The following DKK4 variants were observed in gnomAD, a reference collection of about 807,000 sequenced individuals.
DKK4 encodes the protein dickkopf Wnt signaling pathway inhibitor 4.
A neutral mutation model predicts 14.5 loss-of-function variants in DKK4; 15 were observed. That is an observed-to-expected ratio of 1.03 (90% CI 0.69 to 1.59). The LOEUF is 1.59. Among genes scored for constraint, DKK4 ranks in the 40% most tolerant of loss-of-function variants. The pLI, the probability that DKK4 is intolerant of heterozygous loss-of-function variation, is 0.00. For synonymous variants in DKK4, 89 were observed against 105.2 expected (o/e 0.85, Z 0.94); for missense variants, 272 against 280.3 (o/e 0.97, Z 0.21).
upstream of DKK4, among the ~76,000 whole-genome samples, chr8:42,380,482 GGA>G (rs370629692): frequency 3.1e-4 from 41 of 134,250 alleles, no homozygotes; most frequent in African/African-American, 7.4e-4. Flanking sequence ...GGAGGGAGGG[GGA>G]GAGAGAGAGA....
rs1210582406 is a variant in DKK4, at chr8:42,377,039, C to T, written c.7G>A (p.Ala3Thr). 6.2e-7 allele frequency: 1 copy of T among 1,612,498 alleles called. No individual in the cohort carries two copies. The highest frequency in any genetic ancestry group is 1.3e-5 in the African/African-American group (1 of 74,892). Residue 3 changes from alanine (A) to threonine (T), a missense_variant, in exon 1 of 4, where the codon GCG (alanine) becomes ACG (threonine). Ala to Thr is a moderately conservative substitution (Grantham distance 58). Transcript: ENST00000220812. ...CAGCTCAGCCCCAGCAGGACGGCCG[C>T]CACCATCCTTCAATCCCGGGGCTCC... is the stretch of plus-strand genomic sequence containing the variant. The part of the protein sequence containing the change: MV[A>T]AVLLGLSWLC...
the DKK4 span, among the ~76,000 whole-genome samples, chr8:42,388,594 C>T: frequency 4.0e-5 from 6 of 151,146 alleles, no homozygotes; most frequent in Admixed American, 1.3e-4. Flanking sequence ...ATTTTTGAGA[C>T]GGAGTCTCAC....
At chr8:42,375,001 G>T in intron 2 of DKK4, 88 bp from the exon 3 acceptor site, 1 of 1,374,902 alleles carries the variant, frequency 7.3e-7, no homozygotes, top group Non-Finnish European at 1.0e-6. Flanking sequence ...GCATAGTTTG[G>T]CAGCACCTCT....
upstream of DKK4, among the ~76,000 whole-genome samples, chr8:42,381,722 G>T (rs185482380): frequency 1.3e-5 from 2 of 152,332 alleles, no homozygotes; most frequent in East Asian, 3.9e-4. Context: ...CTCGAGCCAG[G>T]CGCGGTGGCT....
At chr8:42,389,077 G>A in the DKK4 span, among the ~76,000 whole-genome samples, 3 of 152,164 alleles carry the variant, frequency 2.0e-5, no homozygotes, top group Admixed American at 2.0e-4. Flanking sequence ...TCAAGTAGCT[G>A]GGACTACAGG....
upstream of DKK4, among the ~76,000 whole-genome samples, chr8:42,380,751 AG>A (rs1563416231): frequency 4.2e-5 from 6 of 144,318 alleles, no homozygotes; most frequent in Admixed American, 2.0e-4. Context: ...GTGGAAAGAG[AG>A]AGAGAGAGAG....
At chr8:42,383,486 C>G in the DKK4 span, among the ~76,000 whole-genome samples, 1 of 152,250 alleles carries the variant, frequency 6.6e-6, no homozygotes, top group Non-Finnish European at 1.5e-5. Context: ...GTGGCCCACG[C>G]CTTTGGAGCT....
chr8:42,376,926 C>T lies in DKK4; in HGVS notation c.111+9G>A, dbSNP rs1252076456. 1.9e-6 allele frequency: 3 copies of T among 1,612,244 alleles called. No homozygotes were observed. In the South Asian group the frequency reaches 3.3e-5, roughly 18 times the overall value. On this transcript the variant is annotated intron_variant, in intron 1 of 3. Transcript: ENST00000220812. The stretch of plus-strand genomic sequence containing the variant: ...TCCCGTACCTCGCCCCCCTCCCTAG[C>T]AGCCTTACCTTCCGGGCCCCATGCA...
chr8:42,374,856 T>TG lies in DKK4; in HGVS notation c.319dup (p.Gln107ProfsTer26). On this transcript the variant is annotated frameshift_variant, in exon 3 of 4. Coordinates refer to ENST00000220812, the MANE Select transcript of DKK4 (RefSeq NM_014420.3). LOFTEE classifies it high-confidence loss of function. ...TGTTCCTTCTGCATGTGTGCCATCT[T>TG]GCTCATCAAGCTGCCTTTCTAATAT... The TG allele has an allele frequency of 6.2e-7, 1 of 1,614,248 alleles. No homozygotes were observed. The highest frequency in any genetic ancestry group is 8.5e-7 in the Non-Finnish European group (1 of 1,180,052).
chr8:42,388,013 C>T, the DKK4 span, among the ~76,000 whole-genome samples: 1 of 152,144 alleles, frequency 6.6e-6, no homozygotes. Flanking sequence ...ATCCTTCCAC[C>T]TCTGCCTGCT....
chr8:42,390,871 C>G, the DKK4 span, among the ~76,000 whole-genome samples: 33 of 152,284 alleles, frequency 2.2e-4, no homozygotes, highest in African/African-American at 7.5e-4. Context: ...CCCGTTTGAT[C>G]AGTCTCTTTG....
the DKK4 span, among the ~76,000 whole-genome samples, chr8:42,387,607 G>A: frequency 6.6e-6 from 1 of 152,112 alleles, no homozygotes. Flanking sequence ...TGATCCACCT[G>A]CTTCAGCCTC....
At position 42,374,300 on chromosome 8, in the gene DKK4, G is replaced by A. The variant is rs766494052; in HGVS notation, c.475C>T (p.Arg159Cys). The stretch of plus-strand genomic sequence containing the variant: ...TTACAAATTTTCGTCCAAAAATGAC[G>A]AGCACAGCAAAGTCCAGGGCCACAG... ...FDCGPGLCCA[R>C]HFWTKICKPV... The change falls in exon 4 of 4, where the codon CGT becomes TGT. Residue 159 changes from arginine to cysteine, a missense_variant. Arg to Cys is a radical substitution (Grantham distance 180, BLOSUM62 -3). Transcript: ENST00000220812. 31 of 1,611,720 alleles carry A rather than the reference G, an allele frequency of 1.9e-5. No individual in the cohort carries two copies. Among genetic ancestry groups the A allele is most frequent in the Middle Eastern group, 1.7e-4 (1 of 6,056 alleles).
the DKK4 span, among the ~76,000 whole-genome samples, chr8:42,386,415 T>G: frequency 6.6e-6 from 1 of 152,190 alleles, no homozygotes; most frequent in Admixed American, 6.5e-5. Context: ...CCCATGGCTA[T>G]ACCACAACCC....
At chr8:42,375,929 T>G in intron 1 of DKK4, 99 bp from the exon 2 acceptor site, 1 of 1,458,938 alleles carries the variant, frequency 6.9e-7, no homozygotes, top group Non-Finnish European at 9.2e-7. Flanking sequence ...CAAAGGACAG[T>G]GGCGCTGTGA....
At chr8:42,380,788 GGAA>G (rs1350312062), upstream of DKK4, among the ~76,000 whole-genome samples, 4 of 128,492 alleles carry the variant, frequency 3.1e-5, no homozygotes, top group Non-Finnish European at 6.3e-5. Flanking sequence ...GTGAGAGAAA[GGAA>G]GAAAGAAAAA....
chr8:42,383,019 A>G, the DKK4 span, among the ~76,000 whole-genome samples: 1 of 152,252 alleles, frequency 6.6e-6, no homozygotes, highest in South Asian at 2.1e-4. Flanking sequence ...TGTCAAAACC[A>G]GTTTGATTTC....
At chr8:42,378,720 C>G (rs772274373), upstream of DKK4, among the ~76,000 whole-genome samples, 1 of 151,966 alleles carries the variant, frequency 6.6e-6, no homozygotes, top group African/African-American at 2.4e-5. Context: ...AAAGAACTGA[C>G]GGGAACTCCT....
chr8:42,375,807 C>A lies in DKK4; in HGVS notation c.135G>T (p.Thr45=), dbSNP rs748227396. The part of the protein sequence containing the change: ...ARKGSQCLSD[T]DCNTRKFCLQ... Reference sequence around the variant, plus strand: ...GGCAGAACTTTCTGGTATTGCAGTCCGTGTCAGACAGGCACTGTGAGCCCT... The same window carrying A: ...GGCAGAACTTTCTGGTATTGCAGTCAGTGTCAGACAGGCACTGTGAGCCCT... The change falls in exon 2 of 4, where the codon ACG becomes ACT. Residue 45 remains threonine, a synonymous_variant. Transcript: ENST00000220812. 3.7e-6 allele frequency: 6 copies of A among 1,613,902 alleles called. No homozygotes were observed. Among genetic ancestry groups the A allele is most frequent in the Non-Finnish European group, 5.1e-6 (6 of 1,179,992 alleles).
Sources: allele counts gnomAD v4.1 joint callset (sites outside exome capture counted in the v4.1 genomes callset), GRCh38; gene constraint gnomAD v4.1.1; transcripts MANE v1.5; gene names NCBI Gene and HGNC (gene_info 2026-07-23, HGNC 2026-07-21).